The following FIGN variants were observed in gnomAD, a reference collection of about 807,000 sequenced individuals.
FIGN encodes fidgetin.
Under a neutral mutation model 51.3 loss-of-function variants are expected in FIGN, and 11 were observed. The observed-to-expected ratio is 0.21, with a 90% CI of 0.13 to 0.35. The LOEUF (loss-of-function observed/expected upper bound fraction) is 0.35, where lower values mean the gene tolerates loss of function less well. Among genes scored for constraint, FIGN ranks in the 10% least tolerant of loss-of-function variants. FIGN has a pLI of 1.00. For missense variants in FIGN, 857 were observed against 943.6 expected (o/e 0.91, Z 1.20); for synonymous variants, 407 against 363.2 (o/e 1.12, Z -1.37).
chr2:163,613,874 GTTAAA>G (rs1268289081), intron 2 of FIGN, among the ~76,000 whole-genome samples: 1 of 152,084 alleles, frequency 6.6e-6, no homozygotes, highest in Non-Finnish European at 1.5e-5. Flanking sequence ...TCACAACTCA[GTTAAA>G]TTAAGTCTGA....
intron 2 of FIGN, among the ~76,000 whole-genome samples, chr2:163,731,213 C>T (rs1684924043): frequency 6.6e-6 from 1 of 152,072 alleles, no homozygotes; most frequent in Non-Finnish European, 1.5e-5. Flanking sequence ...GGATCTGTCC[C>T]TATGAATGTC....
At chr2:163,726,378 A>T (rs1193705087) in intron 2 of FIGN, among the ~76,000 whole-genome samples, 4 of 152,136 alleles carry the variant, frequency 2.6e-5, no homozygotes, top group Non-Finnish European at 5.9e-5. Context: ...TTGGGCCTAA[A>T]ATTGACTCCA....
chr2:163,665,276 G>A lies in FIGN; in HGVS notation c.26-53470C>T, dbSNP rs1361811478. ...ATGCTCACTCCATCCATAGCCTTGC[G>A]GCTTAAGAGGGAATTAAGGAAGAGC... On this transcript the variant is annotated intron_variant, in intron 2 of 2. Coordinates refer to ENST00000333129, the MANE Select transcript of FIGN (RefSeq NM_018086.4). Among the ~76,000 whole-genome samples the A allele has an allele frequency of 4.6e-5, 7 of 152,196 alleles. No individual in the cohort carries two copies. The East Asian group carries it at 5.8e-4, about 13-fold the overall frequency.
intron 2 of FIGN, among the ~76,000 whole-genome samples, chr2:163,704,941 AAG>A (rs1195358173): frequency 1.3e-5 from 2 of 152,114 alleles, no homozygotes; most frequent in Admixed American, 1.3e-4. Flanking sequence ...GTGAGTACAC[AAG>A]AGGTCCATCC....
At chr2:163,645,401 T>C (rs1307109657) in intron 2 of FIGN, among the ~76,000 whole-genome samples, 3 of 152,144 alleles carry the variant, frequency 2.0e-5, no homozygotes, top group African/African-American at 7.2e-5. Flanking sequence ...CCCTAAGTAT[T>C]AGAATGATAA....
At chr2:163,709,798 G>C (rs1684559495) in intron 2 of FIGN, among the ~76,000 whole-genome samples, 1 of 151,970 alleles carries the variant, frequency 6.6e-6, no homozygotes, top group Non-Finnish European at 1.5e-5. Context: ...AAAATAGAAT[G>C]GTGTTTTAAA....
At chr2:163,671,348 C>A (rs1573940342) in intron 2 of FIGN, among the ~76,000 whole-genome samples, 1 of 152,246 alleles carries the variant, frequency 6.6e-6, no homozygotes, top group East Asian at 1.9e-4. Flanking sequence ...AGAGATCATG[C>A]AGAAGAATCT....
chr2:163,620,472 T>C (rs1179804413), intron 2 of FIGN, among the ~76,000 whole-genome samples: 1 of 152,030 alleles, frequency 6.6e-6, no homozygotes, highest in Non-Finnish European at 1.5e-5. Context: ...AAATAACAGG[T>C]GAGCTGTAGC....
intron 2 of FIGN, among the ~76,000 whole-genome samples, chr2:163,648,729 A>G (rs1399810333): frequency 6.6e-6 from 1 of 152,194 alleles, no homozygotes; most frequent in African/African-American, 2.4e-5. Flanking sequence ...TTAATAGCTC[A>G]ATTTAGAAAA....
chr2:163,611,668 G>A lies in FIGN; in HGVS notation c.164C>T (p.Ala55Val). The change falls in exon 3 of 3, where the codon GCG becomes GTG. Residue 55 changes from alanine to valine, a missense_variant. Ala to Val is a moderately conservative substitution (Grantham distance 64, BLOSUM62 0). Transcript: ENST00000333129. ...AGTCAGAGCAGATATGTCATCATTC[G>A]CCCAGGCGTACTGATAGGTGCGCTG... is the stretch of plus-strand genomic sequence containing the variant. ...HLQRTYQYAW[A>V]NDDISALTAS... is the part of the protein sequence containing the mutation. 2.5e-6 allele frequency: 4 copies of A among 1,614,064 alleles called. No individual in the cohort carries two copies. The highest frequency in any genetic ancestry group is 3.4e-6 in the Non-Finnish European group (4 of 1,180,004).
intron 2 of FIGN, among the ~76,000 whole-genome samples, chr2:163,657,893 G>T (rs1444540737): frequency 6.6e-6 from 1 of 152,128 alleles, no homozygotes; most frequent in Admixed American, 6.6e-5. Context: ...AGTGCAAATT[G>T]TAGTTAGAGC....
At chr2:163,619,802 AT>A (rs908653905) in intron 2 of FIGN, among the ~76,000 whole-genome samples, 1 of 152,080 alleles carries the variant, frequency 6.6e-6, no homozygotes, top group African/African-American at 2.4e-5. Context: ...CAAACAAGTA[AT>A]TTTTCCCTTA....
At chr2:163,640,691 T>C (rs1683293416) in intron 2 of FIGN, among the ~76,000 whole-genome samples, 1 of 152,078 alleles carries the variant, frequency 6.6e-6, no homozygotes. Context: ...GTGTTGATCC[T>C]AATGCTGGGT....
intron 2 of FIGN, among the ~76,000 whole-genome samples, chr2:163,727,825 C>T (rs1684861831): frequency 6.6e-6 from 1 of 152,178 alleles, no homozygotes; most frequent in Non-Finnish European, 1.5e-5. Flanking sequence ...GAAAAAGCCA[C>T]TTGACTTCAA....
chr2:163,678,367 C>T (rs1330534166), intron 2 of FIGN, among the ~76,000 whole-genome samples: 1 of 152,026 alleles, frequency 6.6e-6, no homozygotes, highest in Non-Finnish European at 1.5e-5. Context: ...ATTACAGGTG[C>T]CTGCCATCAC....
At chr2:163,612,421 C>A (rs935097388) in intron 2 of FIGN, 7 of 985,214 alleles carry the variant, frequency 7.1e-6, no homozygotes, top group Admixed American at 1.2e-4. Context: ...ATTCCATAAT[C>A]CAACTCTCAT....
intron 2 of FIGN, among the ~76,000 whole-genome samples, chr2:163,718,474 C>T (rs1684704230): frequency 6.6e-6 from 1 of 152,186 alleles, no homozygotes; most frequent in East Asian, 1.9e-4. Context: ...GTGGAACTGT[C>T]TGATTCATCT....
intron 2 of FIGN, among the ~76,000 whole-genome samples, chr2:163,623,559 G>A (rs1683005627): frequency 6.6e-6 from 1 of 152,076 alleles, no homozygotes; most frequent in Non-Finnish European, 1.5e-5. Flanking sequence ...TTTTAAAATA[G>A]AATAGACAAT....
chr2:163,690,472 G>C (rs540632034), intron 2 of FIGN, among the ~76,000 whole-genome samples: 5 of 152,082 alleles, frequency 3.3e-5, no homozygotes, highest in African/African-American at 1.2e-4. Flanking sequence ...GCTGTTTTGG[G>C]ATAGAACCAT....
Sources: allele counts gnomAD v4.1 joint callset (sites outside exome capture counted in the v4.1 genomes callset), GRCh38; gene constraint gnomAD v4.1.1; transcripts MANE v1.5; gene names NCBI Gene and HGNC (gene_info 2026-07-23, HGNC 2026-07-21).